Variants in PDE8A observed in about 807,000 individuals in gnomAD.
PDE8A encodes the protein high affinity cAMP-specific and IBMX-insensitive 3',5'-cyclic phosphodiesterase 8A.
In PDE8A, 59 loss-of-function variants were observed where a neutral mutation model predicts 105.0. The observed-to-expected ratio is 0.56, with a 90% CI of 0.46 to 0.70. The LOEUF (loss-of-function observed/expected upper bound fraction) is 0.70, where lower values mean the gene tolerates loss of function less well. Ranked by LOEUF, PDE8A falls within the 30% of genes least tolerant of loss-of-function variation. The pLI is 0.00. For synonymous variants in PDE8A, 355 were observed against 371.9 expected (o/e 0.95, Z 0.52); for missense variants, 1,014 against 1,045.9 (o/e 0.97, Z 0.42).
chr15:85,089,283 G>T (rs923818298), intron 6 of PDE8A, 55 bp from the exon 7 acceptor site: 3 of 910,068 alleles, frequency 3.3e-6, no homozygotes, highest in African/African-American at 3.4e-5. Context: ...AATAACCCAA[G>T]ATTTTATTTT....
chr15:85,074,881 C>A (rs780132163), intron 3 of PDE8A, among the ~76,000 whole-genome samples: 2 of 152,188 alleles, frequency 1.3e-5, no homozygotes, highest in African/African-American at 2.4e-5. Context: ...TAGACACATT[C>A]TCCAGGAGGC....
At chr15:85,033,790 G>C (rs2080656677) in intron 1 of PDE8A, among the ~76,000 whole-genome samples, 1 of 152,144 alleles carries the variant, frequency 6.6e-6, no homozygotes, top group South Asian at 2.1e-4. Context: ...GCTTGAACCT[G>C]GGAGGCAGAG....
chr15:85,120,810 C>T lies in PDE8A; in HGVS notation c.1748C>T (p.Pro583Leu). The T allele has an allele frequency of 6.2e-7, 1 of 1,605,766 alleles. No individual in the cohort carries two copies. The highest frequency in any genetic ancestry group is 8.5e-7 in the Non-Finnish European group (1 of 1,176,178). ...TCTTGTTTTCAGGAAACTTTAGATC[C>T]AATTGATGAGGTCGCTGCACTCATC... ...SKERIKETLD[P>L]IDEVAALIAA... The change falls in exon 18 of 22, where the codon CCA (proline) becomes CTA (leucine). Residue 583 changes from proline to leucine, a missense_variant. Pro to Leu is a moderately conservative substitution (Grantham distance 98). Coordinates refer to ENST00000394553, the MANE Select transcript of PDE8A (RefSeq NM_002605.3).
intron 1 of PDE8A, among the ~76,000 whole-genome samples, chr15:85,001,853 T>G (rs963214556): frequency 6.6e-6 from 1 of 152,246 alleles, no homozygotes; most frequent in Non-Finnish European, 1.5e-5. Flanking sequence ...AAAGCTGTCA[T>G]GTATTGACTG....
At chr15:85,061,728 CAT>C (rs1408819054) in intron 1 of PDE8A, among the ~76,000 whole-genome samples, 1 of 152,112 alleles carries the variant, frequency 6.6e-6, no homozygotes, top group Non-Finnish European at 1.5e-5. Context: ...TCCCGTGATG[CAT>C]ATATTAGCTT....
At chr15:84,986,300 A>G (rs1035330289) in intron 1 of PDE8A, among the ~76,000 whole-genome samples, 2 of 152,242 alleles carry the variant, frequency 1.3e-5, no homozygotes, top group African/African-American at 4.8e-5. Flanking sequence ...GCTGCAAGCC[A>G]ACCTCTAATC....
At chr15:85,064,299 T>C (rs935259776) in intron 1 of PDE8A, 71 bp from the exon 2 acceptor site, 2 of 1,167,730 alleles carry the variant, frequency 1.7e-6, no homozygotes, top group African/African-American at 3.0e-5. Context: ...TGGCACTGTT[T>C]AGAGAGAGAA....
chr15:85,018,800 A>G (rs1265412485), intron 1 of PDE8A, among the ~76,000 whole-genome samples: 1 of 152,192 alleles, frequency 6.6e-6, no homozygotes, highest in African/African-American at 2.4e-5. Context: ...TACTTATTTG[A>G]TTACTAGTAA....
chr15:85,054,521 GCTT>G (rs1351055084), intron 1 of PDE8A, among the ~76,000 whole-genome samples: 2 of 152,134 alleles, frequency 1.3e-5, no homozygotes, highest in African/African-American at 4.8e-5. Context: ...CAGGGATTCA[GCTT>G]CTTCCTGGTT....
chr15:85,097,446 T>C (rs1048200991), intron 8 of PDE8A, among the ~76,000 whole-genome samples: 5 of 152,172 alleles, frequency 3.3e-5, no homozygotes, highest in Non-Finnish European at 7.4e-5. Flanking sequence ...CTGGCTGTTA[T>C]CTCATCCTCC....
intron 1 of PDE8A, among the ~76,000 whole-genome samples, chr15:85,012,261 C>T (rs1405757156): frequency 1.3e-5 from 2 of 152,100 alleles, no homozygotes; most frequent in Non-Finnish European, 2.9e-5. Context: ...ATGTTTATTG[C>T]AGCACTATTC....
At chr15:85,039,989 T>C (rs528566633) in intron 1 of PDE8A, among the ~76,000 whole-genome samples, 68 of 152,230 alleles carry the variant, frequency 4.5e-4, no homozygotes, top group African/African-American at 1.6e-3. Flanking sequence ...GCACAAAGTT[T>C]CATTTAGATA....
rs186120545 is a variant in PDE8A at position 84,983,718 on chromosome 15, T to G, written c.186+1370T>G. Among the ~76,000 whole-genome samples, 332 of 152,364 alleles carry G rather than the reference T, an allele frequency of 2.2e-3. 1 individual carries two copies. Among genetic ancestry groups the G allele is most frequent in the Admixed American group, 4.2e-3 (64 of 15,306 alleles). Reference sequence around the variant, plus strand: ...GTTACACAGGTGCATATGGAAACTTTAACAGCTTTCAAGTTTTCAGTCCAA... The same window carrying G: ...GTTACACAGGTGCATATGGAAACTTGAACAGCTTTCAAGTTTTCAGTCCAA... On this transcript the variant is annotated intron_variant, in intron 1 of 21. Transcript: ENST00000394553.
intron 11 of PDE8A, among the ~76,000 whole-genome samples, chr15:85,107,528 A>G (rs536234064): frequency 6.6e-6 from 1 of 152,274 alleles, no homozygotes; most frequent in South Asian, 2.1e-4. Flanking sequence ...ACAGGGATAG[A>G]GCAGGGGATA....
intron 3 of PDE8A, among the ~76,000 whole-genome samples, chr15:85,070,305 A>G (rs566044099): frequency 6.6e-6 from 1 of 152,288 alleles, no homozygotes; most frequent in Non-Finnish European, 1.5e-5. Flanking sequence ...TATATTTCCA[A>G]ATCTACCAGT....
rs1050092961 is a variant in PDE8A, at chr15:85,064,564, G to T, written c.243+138G>T. The T allele has an allele frequency of 2.1e-5, 13 of 626,716 alleles. No individual in the cohort carries two copies. In the African/African-American group the frequency reaches 2.2e-4, roughly 11 times the overall value. 38.8% of individuals were successfully genotyped at this position (626,716 alleles called of 1,614,324 possible). The stretch of plus-strand genomic sequence containing the variant: ...ACCAATGTTAAATTCCCTGAACTCT[G>T]TAACAGTATTATAGTTATATAAGAG... On this transcript the variant is annotated intron_variant, in intron 2 of 21. Transcript: ENST00000394553.
chr15:85,090,443 T>A (rs1226685076), intron 7 of PDE8A, among the ~76,000 whole-genome samples: 1 of 152,238 alleles, frequency 6.6e-6, no homozygotes, highest in African/African-American at 2.4e-5. Context: ...CCATGTATTT[T>A]CTGCTTATCT....
Position 84,988,615 on chromosome 15 carries a change from G to T in PDE8A, c.186+6267G>T, listed in dbSNP as rs555143340. On this transcript the variant is annotated intron_variant, in intron 1 of 21. Transcript: ENST00000394553. ...CCTACCAAGAGTTCCCCAGGAGCTG[G>T]TTCTTTCCATTGCCCTTTGCCTAGA... 8.5e-5 allele frequency among the ~76,000 whole-genome samples: 13 copies of T among 152,290 alleles called. No homozygotes were observed. In the South Asian group the frequency reaches 2.3e-3, roughly 27 times the overall value.
chr15:85,048,058 T>C (rs2080914754), intron 1 of PDE8A, among the ~76,000 whole-genome samples: 1 of 152,226 alleles, frequency 6.6e-6, no homozygotes, highest in Non-Finnish European at 1.5e-5. Context: ...TTAGCAGTAG[T>C]ATCCTGTAAG....
Sources: allele counts gnomAD v4.1 joint callset (sites outside exome capture counted in the v4.1 genomes callset), GRCh38; gene constraint gnomAD v4.1.1; transcripts MANE v1.5; gene names NCBI Gene and HGNC (gene_info 2026-07-23, HGNC 2026-07-21).